CNBD1: variants seen among roughly 807,000 people sequenced by gnomAD.
The protein encoded by CNBD1 is cyclic nucleotide binding domain containing 1.
Under a neutral mutation model 54.4 loss-of-function variants are expected in CNBD1, and 71 were observed. That is an observed-to-expected ratio of 1.30 (90% CI 1.08 to 1.59). The LOEUF is 1.59. Ranked by LOEUF, CNBD1 falls within the 40% of genes most tolerant of loss-of-function variation. The pLI is 0.00. For synonymous variants in CNBD1, 182 were observed against 170.7 expected, an observed-to-expected ratio of 1.07 and a Z score of -0.51; for missense variants, 659 against 518.0, an observed-to-expected ratio of 1.27 and a Z score of -2.64.
intron 8 of CNBD1, among the ~76,000 whole-genome samples, chr8:87,327,427 C>G (rs993374392): frequency 1.2e-4 from 18 of 152,254 alleles, no homozygotes; most frequent in Non-Finnish European, 1.8e-4. Context: ...GCAGTTTGAT[C>G]TCAGACTGCT....
chr8:86,883,016 A>C (rs180964692), intron 1 of CNBD1, among the ~76,000 whole-genome samples: 12 of 152,262 alleles, frequency 7.9e-5, no homozygotes, highest in Non-Finnish European at 1.6e-4. Context: ...ACTGAGACTT[A>C]CTGGAGGGTG....
At chr8:86,978,825 T>C (rs973925535) in intron 4 of CNBD1, among the ~76,000 whole-genome samples, 23 of 152,046 alleles carry the variant, frequency 1.5e-4, no homozygotes, top group African/African-American at 5.3e-4. Flanking sequence ...TGACCCACCA[T>C]CTCCAGCTGG....
At chr8:87,265,968 T>A (rs963077789) in intron 6 of CNBD1, among the ~76,000 whole-genome samples, 1 of 152,092 alleles carries the variant, frequency 6.6e-6, no homozygotes, top group Non-Finnish European at 1.5e-5. Context: ...ATATCATTAA[T>A]TAAAAGATTC....
chr8:87,260,657 T>A (rs1808118522), intron 6 of CNBD1, among the ~76,000 whole-genome samples: 1 of 152,114 alleles, frequency 6.6e-6, no homozygotes, highest in Non-Finnish European at 1.5e-5. Context: ...TTCTGGGTTT[T>A]CTTTCCTTGA....
intron 4 of CNBD1, among the ~76,000 whole-genome samples, chr8:87,056,446 T>G (rs538617881): frequency 6.6e-6 from 1 of 152,322 alleles, no homozygotes; most frequent in East Asian, 1.9e-4. Flanking sequence ...TTAAAAATAT[T>G]ATCTTAGAAA....
chr8:87,048,683 C>G (rs929043002), intron 4 of CNBD1, among the ~76,000 whole-genome samples: 1 of 152,058 alleles, frequency 6.6e-6, no homozygotes, highest in Non-Finnish European at 1.5e-5. Flanking sequence ...ATGCCTCCAC[C>G]CAGTTAATCA....
chr8:86,929,830 T>C (rs188675275), intron 3 of CNBD1, among the ~76,000 whole-genome samples: 1 of 152,268 alleles, frequency 6.6e-6, no homozygotes, highest in Non-Finnish European at 1.5e-5. Flanking sequence ...CCTGCAACTA[T>C]CCGTAAACAG....
chr8:86,991,022 G>C (rs1808733165), intron 4 of CNBD1, among the ~76,000 whole-genome samples: 1 of 151,994 alleles, frequency 6.6e-6, no homozygotes, highest in South Asian at 2.1e-4. Context: ...ACAAAATTTT[G>C]TTCATTTTGC....
Position 87,353,756 on chromosome 8 carries a change from A to T in CNBD1, c.1273A>T (p.Met425Leu). ...AATCATTACCAAAAAAGAAGTTGAGATGGCAATCATTGAAGATAAGGACCT... is the reference window on the plus strand; with the variant it reads ...AATCATTACCAAAAAAGAAGTTGAGTTGGCAATCATTGAAGATAAGGACCT... ...CTIITKKEVE[M>L]AIIEDKDLFV... The change falls in exon 10 of 11, where the codon ATG becomes TTG. Residue 425 changes from methionine (M) to leucine (L), a missense_variant. Physicochemically the swap from Met to Leu is conservative, Grantham distance 15. Transcript: ENST00000518476. 1.2e-6 allele frequency: 2 copies of T among 1,610,348 alleles called. No homozygotes were observed. Among genetic ancestry groups the T allele is most frequent in the South Asian group, 2.2e-5 (2 of 90,032 alleles).
At chr8:87,093,601 G>A (rs889509310) in intron 4 of CNBD1, among the ~76,000 whole-genome samples, 16 of 152,128 alleles carry the variant, frequency 1.1e-4, no homozygotes, top group East Asian at 3.9e-4. Context: ...CAGTAACGCC[G>A]AGATTGCTGT....
chr8:87,345,719 C>T (rs1388692685), intron 8 of CNBD1, among the ~76,000 whole-genome samples: 1 of 151,780 alleles, frequency 6.6e-6, no homozygotes, highest in Non-Finnish European at 1.5e-5. Context: ...ATGAAATAAA[C>T]ATAAAAAAGA....
chr8:86,922,840 CAGG>C (rs1809297230), intron 3 of CNBD1, among the ~76,000 whole-genome samples: 1 of 151,926 alleles, frequency 6.6e-6, no homozygotes, highest in Admixed American at 6.6e-5. Context: ...ACGGAGCAAC[CAGG>C]AGTGAAGAAA....
At chr8:87,185,748 C>CTTCAAAAATTA (rs145832687) in intron 4 of CNBD1, among the ~76,000 whole-genome samples, 6,027 of 152,198 alleles carry the variant, frequency 0.04, 204 homozygotes, top group Non-Finnish European at 0.061. Context: ...ATGATAAATA[C>CTTCAAAAATTA]TCATTAATAA....
At chr8:86,919,030 TAA>T (rs199682652) in intron 3 of CNBD1, among the ~76,000 whole-genome samples, 52 of 150,946 alleles carry the variant, frequency 3.4e-4, no homozygotes, top group African/African-American at 5.6e-4. Context: ...CTTTTTTTTT[TAA>T]AAAAAAAGAG....
intron 4 of CNBD1, among the ~76,000 whole-genome samples, chr8:86,940,057 G>A (rs13273181): frequency 1.3e-5 from 2 of 151,166 alleles, no homozygotes; most frequent in East Asian, 3.9e-4. Context: ...GATGTCCTTA[G>A]CTTGGGTTAT....
Position 86,940,821 on chromosome 8 carries a change from G to A in CNBD1, c.431+1067G>A, listed in dbSNP as rs374201750. On this transcript the variant is annotated intron_variant, in intron 4 of 10. Transcript: ENST00000518476. ...GAGTAATTAAAAATTTGACATTTAT[G>A]TTCTGAAGAATGAACTTTTTCTTTG... 2.6e-5 allele frequency among the ~76,000 whole-genome samples: 4 copies of A among 152,264 alleles called. No individual in the cohort carries two copies. The East Asian group carries it at 7.7e-4, about 29-fold the overall frequency.
intron 8 of CNBD1, among the ~76,000 whole-genome samples, chr8:87,295,763 C>G (rs1366338772): frequency 6.6e-6 from 1 of 151,996 alleles, no homozygotes; most frequent in Non-Finnish European, 1.5e-5. Context: ...TTTCTCTTCA[C>G]CTAAAAAATA....
intron 10 of CNBD1, among the ~76,000 whole-genome samples, chr8:87,361,487 A>T (rs970916624): frequency 1.3e-5 from 2 of 151,850 alleles, no homozygotes; most frequent in Non-Finnish European, 2.9e-5. Flanking sequence ...AATAGATGAA[A>T]AAGCAATTTC....
At chr8:86,866,622 A>C in intron 1 of CNBD1, 39 bp downstream of exon 1, 1 of 1,461,298 alleles carries the variant, frequency 6.8e-7, no homozygotes, top group Non-Finnish European at 9.5e-7. Flanking sequence ...TTCACCTACC[A>C]TTGTTTTCAG....
Sources: allele counts gnomAD v4.1 joint callset (sites outside exome capture counted in the v4.1 genomes callset), GRCh38; gene constraint gnomAD v4.1.1; transcripts MANE v1.5; gene names NCBI Gene and HGNC (gene_info 2026-07-23, HGNC 2026-07-21).